The following COL14A1 variants were observed in gnomAD, a reference collection of about 807,000 sequenced individuals.
COL14A1 encodes collagen alpha-1(XIV) chain.
A neutral mutation model predicts 230.3 loss-of-function variants in COL14A1; 136 were observed. The observed-to-expected ratio is 0.59, with a 90% CI of 0.51 to 0.68. The LOEUF (loss-of-function observed/expected upper bound fraction) is 0.68. Ranked by LOEUF, COL14A1 falls within the 30% of genes least tolerant of loss-of-function variation. COL14A1 has a pLI of 0.00. For missense variants in COL14A1, 1,976 were observed against 2,215.8 expected (o/e 0.89, Z 2.17); for synonymous variants, 792 against 784.1 (o/e 1.01, Z -0.17).
chr8:120,175,599 T>A (rs1485331911), intron 5 of COL14A1, among the ~76,000 whole-genome samples: 2 of 152,190 alleles, frequency 1.3e-5, no homozygotes, highest in Non-Finnish European at 2.9e-5. Flanking sequence ...GTCTTCTATT[T>A]TTTAAAATAA....
At chr8:120,183,596 CCCTT>C (rs1460610182) in intron 5 of COL14A1, among the ~76,000 whole-genome samples, 7 of 152,154 alleles carry the variant, frequency 4.6e-5, no homozygotes, top group Non-Finnish European at 8.8e-5. Flanking sequence ...TTCTCCCAGT[CCCTT>C]CCAGTTTAGA....
intron 25 of COL14A1, among the ~76,000 whole-genome samples, chr8:120,268,742 C>T (rs1163593628): frequency 1.3e-5 from 2 of 151,630 alleles, no homozygotes; most frequent in African/African-American, 4.8e-5. Context: ...CTTTCTACCC[C>T]AGAGGTAACT....
chr8:120,369,558 A>T, intron 47 of COL14A1, 73 bp downstream of exon 47: 4 of 1,368,432 alleles, frequency 2.9e-6, no homozygotes, highest in Non-Finnish European at 3.8e-6. Context: ...AAATGGGAAG[A>T]TAGTGCTATG....
At chr8:120,287,423 C>T (rs998612659) in intron 33 of COL14A1, among the ~76,000 whole-genome samples, 1 of 151,976 alleles carries the variant, frequency 6.6e-6, no homozygotes, top group African/African-American at 2.4e-5. Flanking sequence ...GAGTGTATTG[C>T]AAAATAGTAA....
intron 22 of COL14A1, 97 bp from the exon 23 acceptor site, chr8:120,255,143 G>A: frequency 1.1e-6 from 1 of 879,318 alleles, no homozygotes. Context: ...TGACTATGCA[G>A]CTTTGAATGA....
intron 2 of COL14A1, among the ~76,000 whole-genome samples, chr8:120,149,897 T>C (rs1815224673): frequency 6.6e-6 from 1 of 152,088 alleles, no homozygotes; most frequent in Non-Finnish European, 1.5e-5. Flanking sequence ...TTTCACCATG[T>C]TGGTCAGGCT....
In COL14A1 at chr8:120,372,321, A is replaced by G. The variant is rs1373147424; in HGVS notation, c.*1090A>G. On this transcript the variant is annotated 3_prime_UTR_variant, in exon 48 of 48. Coordinates refer to ENST00000297848, the MANE Select transcript of COL14A1 (RefSeq NM_021110.4). Reference sequence around the variant, plus strand: ...ACCTCTGCTAAATAAATGTTTATCAATAGTTGACTGAGGAGCCCACCTATC... The same window carrying G: ...ACCTCTGCTAAATAAATGTTTATCAGTAGTTGACTGAGGAGCCCACCTATC... 1.3e-5 allele frequency among the ~76,000 whole-genome samples: 2 copies of G among 152,220 alleles called. No individual in the cohort carries two copies. Among genetic ancestry groups the G allele is most frequent in the Non-Finnish European group, 2.9e-5 (2 of 68,044 alleles).
chr8:120,190,914 A>G (rs1256423898), intron 5 of COL14A1, among the ~76,000 whole-genome samples: 2 of 149,640 alleles, frequency 1.3e-5, no homozygotes, highest in Non-Finnish European at 3.0e-5. Flanking sequence ...TTTTTATTGC[A>G]TCTATTTGAT....
intron 14 of COL14A1, among the ~76,000 whole-genome samples, chr8:120,218,429 C>CCTGAGTAGCTGGGA (rs1170609758): frequency 6.6e-6 from 1 of 151,496 alleles, no homozygotes; most frequent in African/African-American, 2.4e-5. Flanking sequence ...CTTGGCTCAG[C>CCTGAGTAGCTGGGA]CTCCTGAGTA....
intron 15 of COL14A1, among the ~76,000 whole-genome samples, chr8:120,225,417 G>A (rs1368554262): frequency 2.0e-5 from 3 of 152,128 alleles, no homozygotes; most frequent in African/African-American, 7.2e-5. Flanking sequence ...GGAAGAGAGA[G>A]AAAAGACCAC....
intron 35 of COL14A1, among the ~76,000 whole-genome samples, chr8:120,298,508 A>T (rs1820596642): frequency 6.7e-6 from 1 of 149,320 alleles, no homozygotes; most frequent in Non-Finnish European, 1.5e-5. Context: ...AATATAATAC[A>T]CATAAATTGG....
Position 120,345,574 on chromosome 8 carries a change from CCCCTTCTCTCAGAGGAACT to C in COL14A1, c.5077+14_5077+32del. ...CCCCAGGAGAACGAGGTAAGCTGGG[CCCCTTCTCTCAGAGGAACT>C]CCTCTGAGTTGGGTGCAGGGAAGCA... On this transcript the variant is annotated intron_variant, in intron 45 of 47. Transcript: ENST00000297848. 6.6e-7 allele frequency: 1 copy of C among 1,518,598 alleles called. No homozygotes were observed. The highest frequency in any genetic ancestry group is 8.8e-7 in the Non-Finnish European group (1 of 1,139,614). The allele number at this position is 1,518,598 out of a possible 1,614,324, so 94.1% of individuals were successfully genotyped here.
At chr8:120,220,087 G>C (rs1030049768) in intron 14 of COL14A1, among the ~76,000 whole-genome samples, 2 of 151,934 alleles carry the variant, frequency 1.3e-5, no homozygotes, top group African/African-American at 2.4e-5. Flanking sequence ...AAGTATTACT[G>C]TACCTAATTT....
At chr8:120,244,532 C>A (rs57278901) in intron 20 of COL14A1, among the ~76,000 whole-genome samples, 9,994 of 152,174 alleles carry the variant, frequency 0.066, 987 homozygotes, top group African/African-American at 0.21. Context: ...TATCCCTCAT[C>A]CCCTTCCCAC....
intron 42 of COL14A1, among the ~76,000 whole-genome samples, chr8:120,340,644 A>G (rs749928061): frequency 3.9e-5 from 6 of 152,192 alleles, no homozygotes; most frequent in Non-Finnish European, 5.9e-5. Flanking sequence ...TTTTGGAGGA[A>G]CCCTGAAAAT....
chr8:120,193,848 C>A (rs560530891), intron 5 of COL14A1, among the ~76,000 whole-genome samples: 1 of 152,164 alleles, frequency 6.6e-6, no homozygotes, highest in Non-Finnish European at 1.5e-5. Context: ...TAGGACCCTC[C>A]GAGCCAGGTG....
chr8:120,185,209 A>AGCC (rs1343187731), intron 5 of COL14A1, among the ~76,000 whole-genome samples: 1 of 152,192 alleles, frequency 6.6e-6, no homozygotes, highest in Non-Finnish European at 1.5e-5. Flanking sequence ...AGCTGAAATG[A>AGCC]GCCCCTTGCT....
intron 31 of COL14A1, 27 bp from the exon 32 acceptor site, chr8:120,283,609 G>A (rs372343491): frequency 7.0e-6 from 11 of 1,571,750 alleles, no homozygotes; most frequent in Admixed American, 2.1e-5. Flanking sequence ...AGGATACAAT[G>A]AAACATGGTT....
chr8:120,170,874 A>T (rs552220479), intron 5 of COL14A1, among the ~76,000 whole-genome samples: 2 of 151,072 alleles, frequency 1.3e-5, no homozygotes, highest in Middle Eastern at 3.5e-3. Flanking sequence ...TTTAACTTTC[A>T]CTCTCTTTGT....
Sources: allele counts gnomAD v4.1 joint callset (sites outside exome capture counted in the v4.1 genomes callset), GRCh38; gene constraint gnomAD v4.1.1; transcripts MANE v1.5; gene names NCBI Gene and HGNC (gene_info 2026-07-23, HGNC 2026-07-21).